The following CNIH3 variants were observed in gnomAD, a reference collection of about 807,000 sequenced individuals.
The protein encoded by CNIH3 is cornichon family AMPA receptor auxiliary protein 3.
CNIH3 carries 14 observed loss-of-function variants against 24.1 expected under a neutral mutation model. That is an observed-to-expected ratio of 0.58 (90% CI 0.38 to 0.91). The LOEUF (loss-of-function observed/expected upper bound fraction) is 0.91, where lower values mean the gene tolerates loss of function less well. CNIH3 is among the 40% of genes least tolerant of loss of function. The pLI is 0.00. For synonymous variants in CNIH3, 68 were observed against 73.8 expected, an observed-to-expected ratio of 0.92 and a Z score of 0.40; for missense variants, 178 against 196.8, an observed-to-expected ratio of 0.90 and a Z score of 0.57.
chr1:224,680,890 C>T (rs1403253420), intron 1 of CNIH3, 68 bp from the exon 2 acceptor site: 5 of 1,220,140 alleles, frequency 4.1e-6, no homozygotes, highest in Non-Finnish European at 6.1e-6. Context: ...AGCAAATCCA[C>T]AGAAGCTTTG....
chr1:224,631,486 T>C (rs1304674892), intron 1 of CNIH3, among the ~76,000 whole-genome samples: 1 of 152,244 alleles, frequency 6.6e-6, no homozygotes, highest in African/African-American at 2.4e-5. Flanking sequence ...ATTCATTCTT[T>C]CTTTTCTCTC....
rs185729229 is a variant in CNIH3 at position 224,683,052 on chromosome 1, C to T, written c.151-1744C>T. 3.7e-3 allele frequency among the ~76,000 whole-genome samples: 562 copies of T among 152,268 alleles called. 2 individuals carry two copies. The highest frequency in any genetic ancestry group is 6.7e-3 in the Non-Finnish European group (456 of 68,016). ...AAAATCAGGACTAGTATATGCTCTC[C>T]GGGAGCTTCTGTGAAAGGCCAGTGC... On this transcript the variant is annotated intron_variant, in intron 2 of 5. Coordinates refer to ENST00000272133, the MANE Select transcript of CNIH3 (RefSeq NM_152495.2).
chr1:224,515,094 G>A (rs1052843061), upstream of CNIH3, among the ~76,000 whole-genome samples: 47 of 152,334 alleles, frequency 3.1e-4, no homozygotes, highest in African/African-American at 1.1e-3. Flanking sequence ...AGTTTTAGTA[G>A]GCAGTGCCCA....
At chr1:224,561,378 T>C (rs1251211701) in intron 3 of CNIH3, among the ~76,000 whole-genome samples, 5 of 152,218 alleles carry the variant, frequency 3.3e-5, no homozygotes, top group Non-Finnish European at 5.9e-5. Flanking sequence ...CCAGAGCTGA[T>C]TTTTGTGAAT....
chr1:224,713,739 G>A (rs1688281059), intron 3 of CNIH3, among the ~76,000 whole-genome samples: 1 of 152,176 alleles, frequency 6.6e-6, no homozygotes, highest in Non-Finnish European at 1.5e-5. Context: ...GATGAAATCT[G>A]TTTATTTTAG....
At chr1:224,440,587 G>GA (rs1674857473) in intron 1 of CNIH3, among the ~76,000 whole-genome samples, 3 of 152,186 alleles carry the variant, frequency 2.0e-5, no homozygotes, top group African/African-American at 7.2e-5. Context: ...ATAGTACCAA[G>GA]ATATGTTATT....
At chr1:224,603,037 G>C (rs1280033761) in intron 3 of CNIH3, among the ~76,000 whole-genome samples, 1 of 152,186 alleles carries the variant, frequency 6.6e-6, no homozygotes, top group Admixed American at 6.5e-5. Flanking sequence ...TTCCAAAGAT[G>C]ATTTTGAGGG....
intron 1 of CNIH3, among the ~76,000 whole-genome samples, chr1:224,473,380 G>C (rs1676443777): frequency 6.6e-6 from 1 of 152,124 alleles, no homozygotes; most frequent in Non-Finnish European, 1.5e-5. Flanking sequence ...AAAAGGCATA[G>C]AGTGGCTGAA....
chr1:224,737,686 T>C (rs1018847876), intron 5 of CNIH3, among the ~76,000 whole-genome samples: 5 of 152,162 alleles, frequency 3.3e-5, no homozygotes, highest in African/African-American at 4.8e-5. Context: ...GTTGATAGTT[T>C]ATAGTTTGAG....
chr1:224,637,337 A>T (rs1228836512), intron 1 of CNIH3, among the ~76,000 whole-genome samples: 1 of 152,080 alleles, frequency 6.6e-6, no homozygotes, highest in Non-Finnish European at 1.5e-5. Flanking sequence ...GAGTTGTGAG[A>T]CAGGCAATGT....
At chr1:224,674,375 C>A (rs1435372095) in intron 1 of CNIH3, among the ~76,000 whole-genome samples, 1 of 131,996 alleles carries the variant, frequency 7.6e-6, no homozygotes, top group East Asian at 2.5e-4. Flanking sequence ...CTTTTAATCT[C>A]CTAACTATAA....
At chr1:224,448,422 A>T (rs1032356390) in intron 1 of CNIH3, among the ~76,000 whole-genome samples, 5 of 152,198 alleles carry the variant, frequency 3.3e-5, no homozygotes, top group Admixed American at 1.3e-4. Flanking sequence ...TAAAGTCAAG[A>T]AAAATGGAAC....
chr1:224,737,327 C>G (rs1689647570), intron 5 of CNIH3, among the ~76,000 whole-genome samples: 1 of 152,102 alleles, frequency 6.6e-6, no homozygotes. Flanking sequence ...TGTTTGTCCT[C>G]TAATTCATTA....
Position 224,502,471 on chromosome 1 carries a change from G to A in CNIH3, n.204-13270G>A, listed in dbSNP as rs542328431. Among the ~76,000 whole-genome samples, 8 of 152,300 alleles carry A rather than the reference G, an allele frequency of 5.3e-5. No homozygotes were observed. In the South Asian group the frequency reaches 1.7e-3, roughly 32 times the overall value. ...TTGGAGGCTGGCCTATTTCTTTATC[G>A]CTAAACCCACTTTGCCTGTTTCCAG... On this transcript the variant is annotated intron_variant and non_coding_transcript_variant, in intron 1 of 5. Transcript: ENST00000471578.
rs1350115472 is a variant in CNIH3 at position 224,684,612 on chromosome 1, C to G, written c.151-184C>G. On this transcript the variant is annotated intron_variant, in intron 2 of 5. Coordinates refer to ENST00000272133, the MANE Select transcript of CNIH3 (RefSeq NM_152495.2). This position sits in a 1 kb window ranked among gnomAD's most constrained non-coding sequence, Gnocchi z 4.2. ...AAGAGCAAATGACCATGACAAGGTA[C>G]AGGGAAGAAAGTCAGAAACTCTGTT... Among the ~76,000 whole-genome samples the G allele has an allele frequency of 1.3e-5, 2 of 152,316 alleles. No homozygotes were observed. The highest frequency in any genetic ancestry group is 2.1e-4 in the South Asian group (1 of 4,828).
intron 4 of CNIH3, chr1:224,575,246 C>T (rs1680986149): frequency 1.5e-6 from 2 of 1,336,794 alleles, no homozygotes; most frequent in African/African-American, 1.4e-5. Flanking sequence ...CACCAGAATG[C>T]ATTGCTGAGA....
intron 1 of CNIH3, among the ~76,000 whole-genome samples, chr1:224,464,991 A>T (rs1676095590): frequency 6.6e-6 from 1 of 151,614 alleles, no homozygotes; most frequent in African/African-American, 2.4e-5. Context: ...AAACAGTCTC[A>T]CCATGTTGCC....
At chr1:224,715,839 C>T (rs1688400677) in intron 3 of CNIH3, among the ~76,000 whole-genome samples, 1 of 152,196 alleles carries the variant, frequency 6.6e-6, no homozygotes, top group Non-Finnish European at 1.5e-5. Flanking sequence ...AAACGCCTCC[C>T]ATTAGGCCCC....
chr1:224,465,343 A>G (rs1676111439), intron 1 of CNIH3, among the ~76,000 whole-genome samples: 1 of 152,198 alleles, frequency 6.6e-6, no homozygotes, highest in South Asian at 2.1e-4. Context: ...TCCCGACCTC[A>G]GGTCATCTGC....
Sources: gnomAD v4.1 joint callset for allele counts (sites outside exome capture counted in the v4.1 genomes callset) on GRCh38, gnomAD v4.1.1 for gene constraint, Gnocchi (gnomAD v3.1) non-coding constraint, MANE v1.5 for transcripts, NCBI Gene and HGNC (gene_info 2026-07-23, HGNC 2026-07-21) for gene names.